Variants in MAK observed in about 807,000 individuals in gnomAD.
The protein encoded by MAK is male germ cell associated kinase, also known as serine/threonine-protein kinase MAK.
A neutral mutation model predicts 82.6 loss-of-function variants in MAK; 65 were observed. The observed-to-expected ratio is 0.79, with a 90% CI of 0.64 to 0.97. The LOEUF (loss-of-function observed/expected upper bound fraction) is 0.97. MAK is among the 50% of genes least tolerant of loss of function. The pLI is 0.00. For missense variants in MAK, 703 were observed against 780.2 expected (o/e 0.90, Z 1.18); for synonymous variants, 250 against 274.2 (o/e 0.91, Z 0.87).
At chr6:10,795,736 C>T (rs1052111520) in intron 9 of MAK, among the ~76,000 whole-genome samples, 11 of 152,046 alleles carry the variant, frequency 7.2e-5, no homozygotes, top group Non-Finnish European at 8.8e-5. Flanking sequence ...AAAAGCGAAC[C>T]TCCGTCTCAA....
intron 11 of MAK, among the ~76,000 whole-genome samples, chr6:10,782,121 C>T (rs535386541): frequency 2.7e-4 from 41 of 151,772 alleles, no homozygotes; most frequent in African/African-American, 8.2e-4. Context: ...GCAGGAGAAT[C>T]GCTTCAACCC....
At chr6:10,824,898 C>T (rs1032842517) in intron 2 of MAK, among the ~76,000 whole-genome samples, 3 of 152,138 alleles carry the variant, frequency 2.0e-5, no homozygotes, top group Non-Finnish European at 2.9e-5. Context: ...ACACCACAGC[C>T]GATGATATTG....
intron 1 of MAK, among the ~76,000 whole-genome samples, chr6:10,837,506 G>A (rs1779227054): frequency 6.6e-6 from 1 of 152,218 alleles, no homozygotes; most frequent in African/African-American, 2.4e-5. Context: ...GAAGGGCCGG[G>A]GAGGCGGGGC....
rs1775684029 is a variant in MAK, at chr6:10,797,836, C to T, written c.832-1527G>A. 3 of 1,284,206 alleles carry T rather than the reference C, an allele frequency of 2.3e-6. No individual in the cohort carries two copies. The South Asian group carries it at 3.7e-5, about 16-fold the overall frequency. The allele number at this position is 1,284,206 out of a possible 1,614,324, so 79.6% of individuals were successfully genotyped here. ...ATTCTACAACTTAACCAACCTCTCT[C>T]CCTAATTAGGTCTTTCCACTTCCAC... is the stretch of plus-strand genomic sequence containing the variant. On this transcript the variant is annotated intron_variant, in intron 8 of 14. Transcript: ENST00000354489.
intron 2 of MAK, among the ~76,000 whole-genome samples, chr6:10,825,654 G>GACATGGT (rs146193709): frequency 0.061 from 9,184 of 151,744 alleles, 857 homozygotes; most frequent in African/African-American, 0.21. Context: ...TCCCCTCCTT[G>GACATGGT]ACATGGTACA....
At chr6:10,801,404 C>A (rs570010746) in intron 8 of MAK, among the ~76,000 whole-genome samples, 13 of 152,286 alleles carry the variant, frequency 8.5e-5, no homozygotes, top group African/African-American at 2.9e-4. Flanking sequence ...AGGAACAAAG[C>A]CTGGGTGCCA....
intron 11 of MAK, among the ~76,000 whole-genome samples, chr6:10,783,200 G>A (rs1039993977): frequency 3.3e-5 from 5 of 152,086 alleles, no homozygotes; most frequent in African/African-American, 4.8e-5. Context: ...GATACAGGAC[G>A]ATTTAAAAAT....
chr6:10,772,032 C>T (rs1004457091), intron 13 of MAK, among the ~76,000 whole-genome samples: 2 of 152,116 alleles, frequency 1.3e-5, no homozygotes, highest in Non-Finnish European at 2.9e-5. Context: ...AAATTTCGTC[C>T]GTTTTATGGA....
intron 1 of MAK, among the ~76,000 whole-genome samples, chr6:10,835,405 G>A (rs567934297): frequency 2.8e-4 from 43 of 152,206 alleles, no homozygotes; most frequent in African/African-American, 8.4e-4. Flanking sequence ...GATTACAGGC[G>A]CGTGCCACCA....
intron 4 of MAK, among the ~76,000 whole-genome samples, chr6:10,814,260 C>T (rs577261242): frequency 1.3e-5 from 2 of 152,202 alleles, no homozygotes; most frequent in South Asian, 2.1e-4. Context: ...TGAGCCACTG[C>T]ACCTGGCCTA....
intron 1 of MAK, among the ~76,000 whole-genome samples, chr6:10,835,632 T>C (rs890550147): frequency 1.3e-5 from 2 of 152,228 alleles, no homozygotes; most frequent in Non-Finnish European, 2.9e-5. Flanking sequence ...ATTATTTTCA[T>C]GTTAACACCT....
In MAK at chr6:10,793,377, T is replaced by G. The variant is rs1256897430; in HGVS notation, c.1144-1530A>C. On this transcript the variant is annotated intron_variant, in intron 9 of 14. Coordinates refer to ENST00000354489, the MANE Select transcript of MAK (RefSeq NM_001242957.3). The surrounding 1 kb of genome is among the most constrained non-coding windows in gnomAD (Gnocchi z 4.6). ...TAGCCTGCCCAAGATCTCACGGTCG[T>G]TCTATTCATCATGAAGATTCAGGAG... 6.6e-6 allele frequency among the ~76,000 whole-genome samples: 1 copy of G among 152,158 alleles called. No individual in the cohort carries two copies. Among genetic ancestry groups the G allele is most frequent in the Non-Finnish European group, 1.5e-5 (1 of 68,036 alleles).
intron 10 of MAK, among the ~76,000 whole-genome samples, chr6:10,790,518 T>G (rs531815): frequency 0.77 from 117,516 of 152,180 alleles, 45,462 homozygotes; most frequent in East Asian, 0.85. Context: ...TTATAAAAAG[T>G]AAAGGAACTG....
chr6:10,803,310 G>GGCAGATC (rs1776155040), intron 7 of MAK, among the ~76,000 whole-genome samples: 1 of 151,986 alleles, frequency 6.6e-6, no homozygotes, highest in African/African-American at 2.4e-5. Flanking sequence ...GGCTGAGGTG[G>GGCAGATC]GCAGATCGCA....
intron 13 of MAK, among the ~76,000 whole-genome samples, chr6:10,771,211 G>A (rs1202450243): frequency 6.6e-6 from 1 of 152,094 alleles, no homozygotes; most frequent in African/African-American, 2.4e-5. Context: ...GAGACCTGGA[G>A]TAGACCCCCA....
At chr6:10,796,352 C>A in intron 8 of MAK, 43 bp from the exon 9 acceptor site, 2 of 1,506,224 alleles carry the variant, frequency 1.3e-6, no homozygotes, top group Non-Finnish European at 1.8e-6. Context: ...AACAGTTCCA[C>A]CTAAATGTAT....
chr6:10,788,459 C>T (rs1368421367), intron 10 of MAK, among the ~76,000 whole-genome samples: 5 of 152,124 alleles, frequency 3.3e-5, no homozygotes, highest in Non-Finnish European at 5.9e-5. Context: ...TCGCCAGGTG[C>T]GGTGGCTCAT....
chr6:10,836,634 T>C (rs574170093), intron 1 of MAK, among the ~76,000 whole-genome samples: 12 of 152,318 alleles, frequency 7.9e-5, no homozygotes, highest in African/African-American at 2.6e-4. Context: ...ACAAGTTACA[T>C]ATATTCTTCT....
chr6:10,821,918 C>T (rs9467639), intron 2 of MAK, among the ~76,000 whole-genome samples: 32,574 of 150,540 alleles, frequency 0.22, 3,779 homozygotes, highest in African/African-American at 0.32. Context: ...GAGGCCAAGG[C>T]GGGCGGATCA....
Sources: allele counts gnomAD v4.1 joint callset (sites outside exome capture counted in the v4.1 genomes callset), GRCh38; gene constraint gnomAD v4.1.1; non-coding constraint Gnocchi (gnomAD v3.1); transcripts MANE v1.5; gene names NCBI Gene and HGNC (gene_info 2026-07-23, HGNC 2026-07-21).